The following AFF2 variants were observed in gnomAD, a reference collection of about 807,000 sequenced individuals.
AFF2 encodes the protein AF4/FMR2 family member 2.
AFF2 carries 14 observed loss-of-function variants against 76.9 expected under a neutral mutation model. That is an observed-to-expected ratio of 0.18 (90% confidence interval 0.12 to 0.28). The LOEUF is 0.28. AFF2 is among the 10% of genes least tolerant of loss of function. The pLI, the probability that AFF2 is intolerant of heterozygous loss-of-function variation, is 1.00. For synonymous variants in AFF2, 398 were observed against 366.7 expected, an observed-to-expected ratio of 1.09 and a Z score of -0.98; for missense variants, 868 against 1,001.1, an observed-to-expected ratio of 0.87 and a Z score of 1.79.
At chrX:148,787,251 A>G (rs782787478) in intron 3 of AFF2, among the ~76,000 whole-genome samples, 2 of 111,420 alleles carry the variant, frequency 1.8e-5, no homozygotes, top group East Asian at 5.6e-4. Context: ...CTGGTTTGGA[A>G]TGGTGTGAGC....
At chrX:148,922,373 G>A (rs1189235059) in intron 9 of AFF2, among the ~76,000 whole-genome samples, 1 of 111,590 alleles carries the variant, frequency 9.0e-6, no homozygotes, top group Non-Finnish European at 1.9e-5. Flanking sequence ...AGTTAGACCT[G>A]AGTAAGTCTG....
At chrX:148,544,367 C>G (rs1392539138) in intron 1 of AFF2, among the ~76,000 whole-genome samples, 2 of 111,771 alleles carry the variant, frequency 1.8e-5, no homozygotes, top group East Asian at 2.8e-4. Context: ...GATTTGCTGC[C>G]CCAAGGAAAC....
chrX:148,838,487 G>A (rs782580976), intron 5 of AFF2, among the ~76,000 whole-genome samples: 5 of 111,767 alleles, frequency 4.5e-5, no homozygotes, highest in African/African-American at 9.8e-5. Context: ...ACTCAGAGTC[G>A]TATCTAACAC....
intron 15 of AFF2, among the ~76,000 whole-genome samples, chrX:148,969,246 GA>G (rs2072218612): frequency 8.8e-6 from 1 of 113,157 alleles, no homozygotes; most frequent in Non-Finnish European, 1.9e-5. Context: ...CAATTGGGGA[GA>G]TGCTGCCCCT....
intron 7 of AFF2, among the ~76,000 whole-genome samples, chrX:148,857,860 A>G (rs1259122186): frequency 9.0e-6 from 1 of 111,586 alleles, no homozygotes; most frequent in Admixed American, 9.5e-5. Context: ...TTAGATCTCA[A>G]CTAAAGTAAC....
chrX:148,947,557 A>G (rs1470877386), intron 9 of AFF2, among the ~76,000 whole-genome samples: 3 of 111,613 alleles, frequency 2.7e-5, no homozygotes, highest in South Asian at 7.6e-4. Flanking sequence ...GTGGATTTTC[A>G]GGGGACAGGG....
At chrX:148,928,844 G>A (rs2071681642) in intron 9 of AFF2, among the ~76,000 whole-genome samples, 1 of 112,455 alleles carries the variant, frequency 8.9e-6, no homozygotes. Context: ...CAGTTCATCA[G>A]CTCTGCAAGG....
At chrX:148,514,202 C>T (rs1415439969) in intron 1 of AFF2, among the ~76,000 whole-genome samples, 1 of 111,194 alleles carries the variant, frequency 9.0e-6, no homozygotes, top group Admixed American at 9.6e-5. Context: ...AGTATAAATA[C>T]CAGTAATGAA....
intron 3 of AFF2, among the ~76,000 whole-genome samples, chrX:148,806,931 G>C (rs1357757534): frequency 1.8e-5 from 2 of 112,442 alleles, no homozygotes; most frequent in African/African-American, 6.5e-5. Context: ...TTCAAATGTG[G>C]TTGTCTTACG....
chrX:148,975,715 C>T (rs782231425), intron 16 of AFF2, among the ~76,000 whole-genome samples: 12 of 107,629 alleles, frequency 1.1e-4, no homozygotes, highest in South Asian at 4.3e-4. Flanking sequence ...GAGGCCGAGG[C>T]GGGCGGATCA....
At chrX:148,735,535 CA>C (rs2055275143) in intron 3 of AFF2, among the ~76,000 whole-genome samples, 1 of 111,801 alleles carries the variant, frequency 8.9e-6, no homozygotes, top group Admixed American at 9.5e-5. Flanking sequence ...CAAATGAATG[CA>C]ATTCATTGAG....
At chrX:148,569,952 T>A (rs141756389) in intron 1 of AFF2, among the ~76,000 whole-genome samples, 1,424 of 111,868 alleles carry the variant, frequency 0.013, 32 homozygotes, top group African/African-American at 0.042. Context: ...ATGGAAAGAA[T>A]CCTTGTCTCC....
chrX:148,967,817 C>A, intron 15 of AFF2, 125 bp downstream of exon 15: 2 of 537,243 alleles, frequency 3.7e-6, no homozygotes, highest in Non-Finnish European at 3.0e-6. Context: ...CAACACATTG[C>A]TGCCCTGACA....
At chrX:148,823,080 C>A (rs2070347442) in intron 4 of AFF2, among the ~76,000 whole-genome samples, 1 of 111,473 alleles carries the variant, frequency 9.0e-6, no homozygotes, top group Non-Finnish European at 1.9e-5. Flanking sequence ...CATCCTCACA[C>A]CCCTAGTGCT....
intron 3 of AFF2, among the ~76,000 whole-genome samples, chrX:148,704,406 A>ATATATGTGTATATATATT (rs1557262191): frequency 4.3e-4 from 11 of 25,502 alleles, no homozygotes; most frequent in Non-Finnish European, 6.9e-4. Context: ...ATATATATTT[A>ATATATGTGTATATATATT]TATATATGTG....
intron 10 of AFF2, among the ~76,000 whole-genome samples, chrX:148,954,617 G>T (rs781937297): frequency 1.8e-5 from 2 of 111,754 alleles, no homozygotes; most frequent in South Asian, 3.8e-4. Context: ...AGAGAATAAG[G>T]TTCTAGGAGG....
At chrX:148,808,099 A>G (rs1449812075) in intron 3 of AFF2, among the ~76,000 whole-genome samples, 4 of 112,323 alleles carry the variant, frequency 3.6e-5, no homozygotes, top group Non-Finnish European at 7.5e-5. Context: ...TGGATCTCCA[A>G]AGGGGGATAC....
At chrX:148,927,403 C>G (rs1557283890) in intron 9 of AFF2, among the ~76,000 whole-genome samples, 1 of 111,149 alleles carries the variant, frequency 9.0e-6, no homozygotes, top group African/African-American at 3.3e-5. Flanking sequence ...TCTCTTTTAT[C>G]TTGTTTTTCT....
rs1004145419 is a variant in AFF2 at position 148,997,631 on chromosome X, C to G, written c.*6299C>G. ...TGGCACGATAGCAGGGACTGGGGGT[C>G]TATCCTTTCATGGTATTGCTACAAT... is the stretch of plus-strand genomic sequence containing the variant. On this transcript the variant is annotated 3_prime_UTR_variant, in exon 21 of 21. Transcript: ENST00000370460. 7.2e-5 allele frequency: 8 copies of G among 111,877 alleles called. No individual in the cohort carries two copies. Among genetic ancestry groups the G allele is most frequent in the Non-Finnish European group, 1.3e-4 (7 of 53,204 alleles). 9.2% of individuals were successfully genotyped at this position (111,877 alleles called of 1,213,427 possible).
Sources: gnomAD v4.1 joint callset for allele counts (sites outside exome capture counted in the v4.1 genomes callset) on GRCh38, gnomAD v4.1.1 for gene constraint, MANE v1.5 for transcripts, NCBI Gene and HGNC (gene_info 2026-07-23, HGNC 2026-07-21) for gene names.